OR6N1: variants seen among roughly 807,000 people sequenced by gnomAD.
The protein encoded by OR6N1 is olfactory receptor 6N1.
For synonymous variants in OR6N1, 170 were observed against 150.7 expected (o/e 1.13, Z -0.94); for missense variants, 394 against 371.7 (o/e 1.06, Z -0.49).
At chr1:158,767,965 G>A (rs530539412) in intron 1 of OR6N1, among the ~76,000 whole-genome samples, 102 of 151,724 alleles carry the variant, frequency 6.7e-4, no homozygotes, top group Admixed American at 3.3e-3. Context: ...AGCTTACTTG[G>A]ACTATCTGTT....
chr1:158,798,745 T>C, the OR6N1 span, among the ~76,000 whole-genome samples: 1 of 152,298 alleles, frequency 6.6e-6, no homozygotes, highest in East Asian at 1.9e-4. Context: ...ATACTTATGA[T>C]TTATTTGCCT....
At chr1:158,775,931 C>T (rs909594938), upstream of OR6N1, 1 of 152,074 alleles carries the variant, frequency 6.6e-6, no homozygotes, top group Admixed American at 6.5e-5. Flanking sequence ...CCAATCCAGG[C>T]AGTGTTGATA....
chr1:158,823,299 T>A, the OR6N1 span, among the ~76,000 whole-genome samples: 27,608 of 152,098 alleles, frequency 0.18, 2,727 homozygotes, highest in Admixed American at 0.27. Context: ...AACTCTTCTT[T>A]ATATATCTGG....
the OR6N1 span, among the ~76,000 whole-genome samples, chr1:158,783,008 G>C: frequency 6.6e-6 from 1 of 152,082 alleles, no homozygotes. Flanking sequence ...TTCCTTTTTA[G>C]TGTTTCTAAC....
the OR6N1 span, among the ~76,000 whole-genome samples, chr1:158,839,429 G>A: frequency 6.6e-6 from 1 of 151,970 alleles, no homozygotes; most frequent in African/African-American, 2.4e-5. Context: ...ATAATCTCTT[G>A]CCTTCTGGCA....
chr1:158,767,020 C>T (rs1251812269), intron 1 of OR6N1, among the ~76,000 whole-genome samples: 1 of 151,946 alleles, frequency 6.6e-6, no homozygotes, highest in Non-Finnish European at 1.5e-5. Flanking sequence ...ATTTCTAATC[C>T]AAGGTATATA....
At chr1:158,803,549 C>T in the OR6N1 span, among the ~76,000 whole-genome samples, 2 of 152,124 alleles carry the variant, frequency 1.3e-5, no homozygotes, top group African/African-American at 2.4e-5. Context: ...ATTTTTATTC[C>T]TCCCTATATC....
the OR6N1 span, among the ~76,000 whole-genome samples, chr1:158,802,726 A>G: frequency 2.6e-5 from 4 of 152,148 alleles, no homozygotes; most frequent in African/African-American, 9.7e-5. Flanking sequence ...ATTGTTCCAA[A>G]TGATTGATGT....
the OR6N1 span, among the ~76,000 whole-genome samples, chr1:158,839,943 A>C: frequency 2.0e-5 from 3 of 152,218 alleles, no homozygotes; most frequent in Non-Finnish European, 2.9e-5. Flanking sequence ...CATAACATTC[A>C]AATAACATTT....
intron 1 of OR6N1, among the ~76,000 whole-genome samples, chr1:158,767,091 T>G (rs1657295554): frequency 6.6e-6 from 1 of 152,222 alleles, no homozygotes; most frequent in Non-Finnish European, 1.5e-5. Context: ...GATAATATAT[T>G]GATACCGTAC....
At chr1:158,779,158 A>G in the OR6N1 span, among the ~76,000 whole-genome samples, 14 of 152,216 alleles carry the variant, frequency 9.2e-5, no homozygotes, top group Non-Finnish European at 1.9e-4. Flanking sequence ...CATACAAAAT[A>G]GTATTGGACA....
upstream of OR6N1, chr1:158,776,903 G>A (rs764348849): frequency 6.8e-6 from 11 of 1,614,012 alleles, no homozygotes; most frequent in Non-Finnish European, 8.5e-6. Flanking sequence ...ACCACAGCAA[G>A]ATGTGAGGCA....
chr1:158,777,524 T>G, the OR6N1 span: 2 of 1,614,122 alleles, frequency 1.2e-6, no homozygotes, highest in South Asian at 2.2e-5. Context: ...CCACAGATGG[T>G]GAACAGGTAT....
chr1:158,802,003 A>G, the OR6N1 span, among the ~76,000 whole-genome samples: 1 of 151,806 alleles, frequency 6.6e-6, no homozygotes, highest in Non-Finnish European at 1.5e-5. Context: ...GCTCCTTGCT[A>G]TATGTTCTCT....
the OR6N1 span, among the ~76,000 whole-genome samples, chr1:158,789,815 T>G: frequency 6.6e-6 from 1 of 152,230 alleles, no homozygotes; most frequent in Non-Finnish European, 1.5e-5. Context: ...ATTGTTTCCT[T>G]TGCTGTACAG....
chr1:158,835,261 G>C, the OR6N1 span, among the ~76,000 whole-genome samples: 2 of 152,152 alleles, frequency 1.3e-5, no homozygotes, highest in Admixed American at 1.3e-4. Flanking sequence ...GGACACAGAT[G>C]CCTTCCCATG....
the OR6N1 span, among the ~76,000 whole-genome samples, chr1:158,782,875 A>G: frequency 6.6e-6 from 1 of 152,110 alleles, no homozygotes; most frequent in African/African-American, 2.4e-5. Context: ...ATTCTTTGAG[A>G]ACATCATGAG....
the OR6N1 span, among the ~76,000 whole-genome samples, chr1:158,827,383 C>T: frequency 6.6e-6 from 1 of 152,174 alleles, no homozygotes; most frequent in East Asian, 1.9e-4. Context: ...TTTTAATCAA[C>T]TGCTTAAAAA....
At position 158,766,707 on chromosome 1, in the gene OR6N1, G is replaced by A. The variant is rs1160017066; in HGVS notation, c.-18-7C>T. ...TTGCTCACCATTCATGTCCCTAGAT[G>A]TGAAGTGTGGAAGGATAGGAAAGAA... is the stretch of plus-strand genomic sequence containing the variant. On this transcript the variant is annotated splice_region_variant and splice_polypyrimidine_tract_variant and intron_variant, in intron 1 of 1. Coordinates refer to ENST00000641846, the MANE Select transcript of OR6N1 (RefSeq NM_001005185.2). 14 of 1,552,634 alleles carry A rather than the reference G, an allele frequency of 9.0e-6. No individual in the cohort carries two copies. Among genetic ancestry groups the A allele is most frequent in the African/African-American group, 1.4e-5 (1 of 73,656 alleles).
Sources: allele counts gnomAD v4.1 joint callset (sites outside exome capture counted in the v4.1 genomes callset), GRCh38; gene constraint gnomAD v4.1.1; transcripts MANE v1.5; gene names NCBI Gene and HGNC (gene_info 2026-07-23, HGNC 2026-07-21).